The following MYO16 variants were observed in gnomAD, a reference collection of about 807,000 sequenced individuals.
MYO16 encodes the protein myosin XVI, also known as unconventional myosin-XVI.
MYO16 carries 94 observed loss-of-function variants against 205.3 expected under a neutral mutation model. That is an observed-to-expected ratio of 0.46 (90% CI 0.39 to 0.54). The LOEUF (loss-of-function observed/expected upper bound fraction) is 0.54, where lower values mean the gene tolerates loss of function less well. Among genes scored for constraint, MYO16 ranks in the 20% least tolerant of loss-of-function variants. MYO16 has a pLI of 0.00. For synonymous variants in MYO16, 988 were observed against 954.0 expected, an observed-to-expected ratio of 1.04 and a Z score of -0.66; for missense variants, 2,315 against 2,387.5, an observed-to-expected ratio of 0.97 and a Z score of 0.63.
At chr13:108,882,493 GT>G (rs1188272906) in intron 12 of MYO16, among the ~76,000 whole-genome samples, 2 of 152,104 alleles carry the variant, frequency 1.3e-5, no homozygotes, top group Non-Finnish European at 2.9e-5. Context: ...CTACTCTTGA[GT>G]TTTTATTCTA....
At chr13:108,830,098 A>T (rs1305472198) in intron 9 of MYO16, among the ~76,000 whole-genome samples, 1 of 133,898 alleles carries the variant, frequency 7.5e-6, no homozygotes, top group Non-Finnish European at 1.6e-5. Flanking sequence ...ATCATTAAAA[A>T]GTCAGGAAAC....
At chr13:108,740,545 A>G (rs1205282285) in intron 4 of MYO16, among the ~76,000 whole-genome samples, 4 of 152,104 alleles carry the variant, frequency 2.6e-5, no homozygotes, top group African/African-American at 9.7e-5. Flanking sequence ...GTCTGCCCCT[A>G]CTGAGGGGTT....
chr13:108,605,028 A>C lies in MYO16; in HGVS notation c.-39+8789A>C, dbSNP rs577157673. Among the ~76,000 whole-genome samples, 406 of 152,316 alleles carry C rather than the reference A, an allele frequency of 2.7e-3. 3 individuals carry two copies. The highest frequency in any genetic ancestry group is 9.3e-3 in the African/African-American group (387 of 41,574). On this transcript the variant is annotated intron_variant, in intron 1 of 24. Transcript: ENST00000251041. Reference sequence around the variant, plus strand: ...CATTTCTACTTTTTCAGGAATTATCAGTGGAGTGTTCTGTGGGAAACAAAC... The same window carrying C: ...CATTTCTACTTTTTCAGGAATTATCCGTGGAGTGTTCTGTGGGAAACAAAC...
chr13:108,668,521 G>A (rs1358115710), intron 2 of MYO16, among the ~76,000 whole-genome samples: 2 of 152,194 alleles, frequency 1.3e-5, no homozygotes. Flanking sequence ...GGGCTTCGGT[G>A]AGATGAAAAC....
intron 20 of MYO16, among the ~76,000 whole-genome samples, chr13:108,988,109 T>C (rs1002605487): frequency 6.6e-6 from 1 of 152,182 alleles, no homozygotes; most frequent in African/African-American, 2.4e-5. Flanking sequence ...ATTTTGCCTA[T>C]AGGATTGAGT....
intron 23 of MYO16, among the ~76,000 whole-genome samples, chr13:109,035,853 A>G (rs1432936973): frequency 6.6e-6 from 1 of 152,252 alleles, no homozygotes; most frequent in East Asian, 1.9e-4. Context: ...CGTGCATCCA[A>G]CTTAACTGGG....
At chr13:109,163,097 G>T (rs991325535) in intron 32 of MYO16, among the ~76,000 whole-genome samples, 2 of 152,096 alleles carry the variant, frequency 1.3e-5, no homozygotes, top group Admixed American at 1.3e-4. Flanking sequence ...TCAAAATGCC[G>T]ATAGTTTTGC....
chr13:108,967,153 ATATG>A (rs147162149), intron 20 of MYO16, among the ~76,000 whole-genome samples: 13,087 of 150,938 alleles, frequency 0.087, 611 homozygotes, highest in Non-Finnish European at 0.1. Flanking sequence ...CTGACTATAT[ATATG>A]TGTGTGTGTG....
chr13:108,792,833 A>G (rs995928447), intron 5 of MYO16, among the ~76,000 whole-genome samples: 11 of 152,092 alleles, frequency 7.2e-5, no homozygotes, highest in Non-Finnish European at 2.9e-5. Flanking sequence ...CTTCTATTCC[A>G]GGATACTAGA....
chr13:109,023,984 ATTTC>A (rs1886267224), intron 23 of MYO16, among the ~76,000 whole-genome samples: 1 of 119,108 alleles, frequency 8.4e-6, no homozygotes, highest in Non-Finnish European at 1.7e-5. Context: ...ATATGTATAT[ATTTC>A]TATATGTATA....
intron 4 of MYO16, among the ~76,000 whole-genome samples, chr13:108,754,321 TG>T (rs1280368984): frequency 1.3e-5 from 2 of 152,170 alleles, no homozygotes; most frequent in Non-Finnish European, 2.9e-5. Flanking sequence ...AGCTGTAGCA[TG>T]CAGAACAAGC....
intron 2 of MYO16, among the ~76,000 whole-genome samples, chr13:108,706,592 T>C (rs1883518714): frequency 6.6e-6 from 1 of 152,232 alleles, no homozygotes; most frequent in African/African-American, 2.4e-5. Flanking sequence ...ATACACTCTA[T>C]GAAGGTAAGA....
the MYO16 span, among the ~76,000 whole-genome samples, chr13:108,566,535 G>A: frequency 6.6e-6 from 1 of 151,840 alleles, no homozygotes; most frequent in Non-Finnish European, 1.5e-5. Context: ...AGGAGACTGA[G>A]GCAGGAGAAT....
At chr13:108,536,960 A>G in the MYO16 span, among the ~76,000 whole-genome samples, 1 of 152,128 alleles carries the variant, frequency 6.6e-6, no homozygotes, top group Admixed American at 6.6e-5. Flanking sequence ...TCTGATGTCA[A>G]GTATTATGCT....
chr13:108,694,522 CTCT>C (rs1173653616), intron 2 of MYO16, among the ~76,000 whole-genome samples: 1 of 151,838 alleles, frequency 6.6e-6, no homozygotes, highest in African/African-American at 2.4e-5. Flanking sequence ...TCGTTTTTAT[CTCT>C]TCTTTAGAGA....
the MYO16 span, among the ~76,000 whole-genome samples, chr13:108,584,269 C>A: frequency 6.6e-6 from 1 of 152,196 alleles, no homozygotes; most frequent in Admixed American, 6.5e-5. Context: ...GTCTTTGAAC[C>A]AATTTTAATA....
At chr13:108,519,849 T>C in the MYO16 span, among the ~76,000 whole-genome samples, 3 of 152,228 alleles carry the variant, frequency 2.0e-5, no homozygotes, top group African/African-American at 7.2e-5. Flanking sequence ...ATTAGTGACA[T>C]TATATAAAAA....
intron 1 of MYO16, among the ~76,000 whole-genome samples, chr13:108,658,424 C>A (rs1881340170): frequency 2.1e-5 from 2 of 93,302 alleles, no homozygotes; most frequent in Non-Finnish European, 4.0e-5. Flanking sequence ...TTTGTTTCAA[C>A]TTTGTGTGTG....
intron 23 of MYO16, among the ~76,000 whole-genome samples, chr13:109,038,312 C>A (rs903836379): frequency 4.6e-5 from 7 of 152,074 alleles, no homozygotes; most frequent in African/African-American, 1.7e-4. Context: ...TAAGCTGTTG[C>A]CCTCGCTAGC....
Sources: allele counts gnomAD v4.1 joint callset (sites outside exome capture counted in the v4.1 genomes callset), GRCh38; gene constraint gnomAD v4.1.1; transcripts MANE v1.5; gene names NCBI Gene and HGNC (gene_info 2026-07-23, HGNC 2026-07-21).